Variants in PARD3B observed in about 807,000 individuals in gnomAD.
PARD3B encodes the protein par-3 family cell polarity regulator beta.
A neutral mutation model predicts 130.2 loss-of-function variants in PARD3B; 103 were observed. That is an observed-to-expected ratio of 0.79 (90% confidence interval 0.67 to 0.93). The LOEUF is 0.93. Among genes scored for constraint, PARD3B ranks in the 40% least tolerant of loss-of-function variants. The probability of loss-of-function intolerance (pLI) is 0.00; values close to 1 mark genes in which losing one functional copy is unlikely to be tolerated. For missense variants in PARD3B, 1,609 were observed against 1,499.2 expected, an observed-to-expected ratio of 1.07 and a Z score of -1.21; for synonymous variants, 583 against 553.2, an observed-to-expected ratio of 1.05 and a Z score of -0.76.
intron 18 of PARD3B, among the ~76,000 whole-genome samples, chr2:205,380,124 TTA>T (rs1491391556): frequency 1.5e-5 from 1 of 67,550 alleles, no homozygotes; most frequent in Non-Finnish European, 3.7e-5. Flanking sequence ...ACATAATATA[TTA>T]TATATATTAT....
At chr2:204,844,952 T>C (rs777356580) in intron 2 of PARD3B, among the ~76,000 whole-genome samples, 5 of 152,104 alleles carry the variant, frequency 3.3e-5, no homozygotes, top group Non-Finnish European at 7.3e-5. Context: ...CCTCCCCCAC[T>C]GGGCCACATT....
chr2:204,729,462 C>G (rs903590856), intron 2 of PARD3B, among the ~76,000 whole-genome samples: 1 of 152,176 alleles, frequency 6.6e-6, no homozygotes, highest in African/African-American at 2.4e-5. Context: ...AAAGGTCAGT[C>G]TGATCAAACC....
Position 205,015,858 on chromosome 2 carries a change from G to A in PARD3B, c.395-31723G>A, listed in dbSNP as rs969471047. 6.6e-6 allele frequency among the ~76,000 whole-genome samples: 1 copy of A among 152,094 alleles called. No homozygotes were observed. The highest frequency in any genetic ancestry group is 1.9e-4 in the East Asian group (1 of 5,172). ...AAAGAATGGGTTTATTTTCCTGATC[G>A]TGAGCCTTATTATGTAAGCTTGCTT... is the stretch of plus-strand genomic sequence containing the variant. On this transcript the variant is annotated intron_variant, in intron 3 of 22. Coordinates refer to ENST00000406610, the MANE Select transcript of PARD3B (RefSeq NM_001302769.2). This position sits in a 1 kb window ranked among gnomAD's most constrained non-coding sequence, Gnocchi z 4.5.
At chr2:204,748,499 A>AT (rs899133402) in intron 2 of PARD3B, among the ~76,000 whole-genome samples, 2 of 151,946 alleles carry the variant, frequency 1.3e-5, no homozygotes, top group African/African-American at 4.8e-5. Flanking sequence ...CGATTGTGGA[A>AT]TTTTTTTTCT....
intron 2 of PARD3B, among the ~76,000 whole-genome samples, chr2:204,789,942 C>T (rs1272004349): frequency 6.6e-6 from 1 of 151,520 alleles, no homozygotes; most frequent in Non-Finnish European, 1.5e-5. Context: ...GCGATCTCGG[C>T]TCACTGCAAG....
intron 3 of PARD3B, among the ~76,000 whole-genome samples, chr2:204,988,113 A>G (rs1476117518): frequency 1.3e-5 from 2 of 152,178 alleles, no homozygotes; most frequent in African/African-American, 4.8e-5. Flanking sequence ...TGGAGAGAAA[A>G]AAGCTGAGAC....
At chr2:205,469,145 A>T (rs542495304) in intron 20 of PARD3B, among the ~76,000 whole-genome samples, 1 of 152,210 alleles carries the variant, frequency 6.6e-6, no homozygotes, top group African/African-American at 2.4e-5. Flanking sequence ...AGCAGGCATG[A>T]TGTTTTCAAT....
chr2:205,575,082 T>A lies in PARD3B; in HGVS notation c.3260+21679T>A, dbSNP rs2053701532. On this transcript the variant is annotated intron_variant, in intron 22 of 22. Coordinates refer to ENST00000406610, the MANE Select transcript of PARD3B (RefSeq NM_001302769.2). This position sits in a 1 kb window ranked among gnomAD's most constrained non-coding sequence, Gnocchi z 4.6. Reference sequence around the variant, plus strand: ...AAAATACATTATATACACATTTAAATAGACACACACACACACACACACACA... The same window carrying A: ...AAAATACATTATATACACATTTAAAAAGACACACACACACACACACACACA... 2.4e-5 allele frequency among the ~76,000 whole-genome samples: 1 copy of A among 41,516 alleles called. No individual in the cohort carries two copies. Among genetic ancestry groups the A allele is most frequent in the Non-Finnish European group, 4.8e-5 (1 of 20,636 alleles). The allele number at this position is 41,516 out of a possible 152,430, so 27.2% of individuals were successfully genotyped here.
intron 2 of PARD3B, among the ~76,000 whole-genome samples, chr2:204,772,746 A>G (rs553470204): frequency 1.3e-5 from 2 of 152,304 alleles, no homozygotes; most frequent in South Asian, 2.1e-4. Context: ...TGGTAAATTT[A>G]TGACTTCCCA....
chr2:205,254,751 C>A (rs977120829), intron 16 of PARD3B, among the ~76,000 whole-genome samples: 3 of 150,806 alleles, frequency 2.0e-5, no homozygotes, highest in Non-Finnish European at 4.4e-5. Context: ...GCAGGCTCCG[C>A]CCCCCGGGGT....
chr2:204,806,281 TA>T (rs1331080408), intron 2 of PARD3B, among the ~76,000 whole-genome samples: 3 of 151,986 alleles, frequency 2.0e-5, no homozygotes, highest in Non-Finnish European at 4.4e-5. Flanking sequence ...GGTACTGGCA[TA>T]AAAACAGACA....
chr2:204,801,371 G>A (rs781766657), intron 2 of PARD3B, among the ~76,000 whole-genome samples: 3 of 152,262 alleles, frequency 2.0e-5, no homozygotes, highest in Admixed American at 2.0e-4. Flanking sequence ...CCATTTACTT[G>A]TGTCCTCTCT....
chr2:204,878,966 A>G (rs1471154635), intron 2 of PARD3B, among the ~76,000 whole-genome samples: 3 of 152,126 alleles, frequency 2.0e-5, no homozygotes, highest in African/African-American at 7.2e-5. Context: ...AAAGTTCAGT[A>G]CTTAAAGCAG....
At chr2:204,810,145 C>T (rs2042914582) in intron 2 of PARD3B, among the ~76,000 whole-genome samples, 1 of 151,912 alleles carries the variant, frequency 6.6e-6, no homozygotes, top group Admixed American at 6.6e-5. Context: ...AGCTTTTGGG[C>T]TGAGACTGTA....
At chr2:204,756,066 A>G (rs186466311) in intron 2 of PARD3B, among the ~76,000 whole-genome samples, 83 of 151,830 alleles carry the variant, frequency 5.5e-4, no homozygotes, top group Non-Finnish European at 9.7e-4. Context: ...TGATTAAGAG[A>G]TGAAGGAAGT....
intron 2 of PARD3B, among the ~76,000 whole-genome samples, chr2:204,922,270 T>A (rs796143801): frequency 1.1e-4 from 16 of 151,976 alleles, no homozygotes; most frequent in African/African-American, 3.9e-4. Flanking sequence ...AAATAAGCAG[T>A]GAAACCTTGG....
intron 2 of PARD3B, among the ~76,000 whole-genome samples, chr2:204,864,258 C>T (rs1559209883): frequency 2.0e-5 from 3 of 152,082 alleles, no homozygotes; most frequent in Admixed American, 1.3e-4. Context: ...ACAATGGGAC[C>T]CATTTTTTTC....
At chr2:205,163,909 C>T (rs1293720376) in intron 11 of PARD3B, among the ~76,000 whole-genome samples, 1 of 152,114 alleles carries the variant, frequency 6.6e-6, no homozygotes, top group Non-Finnish European at 1.5e-5. Context: ...GGTGGGAGAA[C>T]CTTGAGGATC....
intron 2 of PARD3B, among the ~76,000 whole-genome samples, chr2:204,713,822 G>A (rs1333591397): frequency 1.4e-5 from 1 of 70,960 alleles, no homozygotes; most frequent in African/African-American, 4.4e-5. Flanking sequence ...TGTTGTTCAA[G>A]GGTTGCCTTG....
Sources: allele counts gnomAD v4.1 joint callset (sites outside exome capture counted in the v4.1 genomes callset), GRCh38; gene constraint gnomAD v4.1.1; non-coding constraint Gnocchi (gnomAD v3.1); transcripts MANE v1.5; gene names NCBI Gene and HGNC (gene_info 2026-07-23, HGNC 2026-07-21).